The following ANKRD42 variants were observed in gnomAD, a reference collection of about 807,000 sequenced individuals.
ANKRD42 encodes ankyrin repeat domain-containing protein 42.
ANKRD42 carries 43 observed loss-of-function variants against 51.5 expected under a neutral mutation model. The observed-to-expected ratio is 0.83, with a 90% CI of 0.65 to 1.08. The LOEUF is 1.08. Ranked by LOEUF, ANKRD42 falls within the 50% of genes least tolerant of loss-of-function variation. ANKRD42 has a pLI of 0.00. For synonymous variants in ANKRD42, 203 were observed against 213.0 expected (o/e 0.95, Z 0.41); for missense variants, 608 against 629.3 (o/e 0.97, Z 0.36).
At position 83,224,901 on chromosome 11, in the gene ANKRD42, A is replaced by G. The variant is rs1862827969; in HGVS notation, c.633A>G (p.Leu211=). The G allele has an allele frequency of 2.5e-6, 4 of 1,609,424 alleles. No individual in the cohort carries two copies. The highest frequency in any genetic ancestry group is 1.3e-5 in the African/African-American group (1 of 74,872). The change falls in exon 6 of 11, where the codon CTA becomes CTG. Residue 211 remains leucine (L), a synonymous_variant. Coordinates refer to ENST00000533342, the MANE Select transcript of ANKRD42 (RefSeq NM_001300975.2). ...MEGHLHCFKF[L]VSRMSSATQV... The stretch of plus-strand genomic sequence containing the variant: ...GCCACCTTCACTGTTTCAAATTCCT[A>G]GTCAGTAGAATGAGCAGTGCGACGC...
downstream of ANKRD42, among the ~76,000 whole-genome samples, chr11:83,263,624 C>T (rs7125152): frequency 0.017 from 2,563 of 152,246 alleles, 72 homozygotes; most frequent in African/African-American, 0.058. Context: ...TGTTCTGGGT[C>T]AAAAGGTGGC....
In ANKRD42 at chr11:83,248,150, A is replaced by G; in HGVS notation, c.1530A>G (p.Val510=). 3.2e-6 allele frequency: 5 copies of G among 1,540,166 alleles called. No individual in the cohort carries two copies. Among genetic ancestry groups the G allele is most frequent in the Non-Finnish European group, 4.4e-6 (5 of 1,145,264 alleles). ...AGTATATACAAGAGTGGCCAAGAGTACAAGCTTTGGGCTGGGGCTCTTTGG... is the reference window on the plus strand; with the variant it reads ...AGTATATACAAGAGTGGCCAAGAGTGCAAGCTTTGGGCTGGGGCTCTTTGG... ...LKKYIQEWPR[V]QALGWGSLDL... The change falls in exon 11 of 11, where the codon GTA becomes GTG. Residue 510 remains valine (V), a synonymous_variant. Coordinates refer to ENST00000533342, the MANE Select transcript of ANKRD42 (RefSeq NM_001300975.2).
chr11:83,245,477 C>T (rs1863517165), intron 9 of ANKRD42, 21 bp from the exon 10 acceptor site: 6 of 1,534,432 alleles, frequency 3.9e-6, no homozygotes, highest in Non-Finnish European at 5.2e-6. Flanking sequence ...AACTAGGTTC[C>T]TACTCAACTC....
At chr11:83,242,645 A>C (rs554296258) in intron 9 of ANKRD42, among the ~76,000 whole-genome samples, 1 of 146,224 alleles carries the variant, frequency 6.8e-6, no homozygotes, top group Non-Finnish European at 1.5e-5. Context: ...GGCTCACTGC[A>C]ACCTCCGCCT....
chr11:83,206,713 C>T (rs1005309369), intron 3 of ANKRD42, among the ~76,000 whole-genome samples: 23 of 152,182 alleles, frequency 1.5e-4, no homozygotes, highest in Admixed American at 9.8e-4. Context: ...TTCCCAGCCT[C>T]CAGAACTATG....
chr11:83,249,381 TTTTG>T (rs563061815), downstream of ANKRD42, among the ~76,000 whole-genome samples: 33 of 152,172 alleles, frequency 2.2e-4, no homozygotes, highest in East Asian at 2.1e-3. Context: ...CAATTAGTTT[TTTTG>T]TTTGTTTGTT....
At position 83,248,455 on chromosome 11, in the gene ANKRD42, C is replaced by T. The variant is rs1481897045; in HGVS notation, c.*251C>T. ...GTACCATAGAAGGAGAAAATGTTTT[C>T]ATAAGTAATCAATCAGAATTCTAAG... On this transcript the variant is annotated 3_prime_UTR_variant, in exon 11 of 11. Transcript: ENST00000533342. The T allele has an allele frequency of 1.1e-5, 13 of 1,153,708 alleles. No homozygotes were observed. The highest frequency in any genetic ancestry group is 1.4e-5 in the Non-Finnish European group (13 of 939,786). 71.5% of individuals were successfully genotyped at this position (1,153,708 alleles called of 1,614,324 possible). A position where few individuals can be genotyped will look rare whatever the true frequency, so the allele number is the denominator to read the frequency against.
Position 83,227,821 on chromosome 11 carries a change from G to C in ANKRD42, c.862G>C (p.Val288Leu), listed in dbSNP as rs1862936154. The C allele has an allele frequency of 6.2e-7, 1 of 1,613,308 alleles. No homozygotes were observed. The highest frequency in any genetic ancestry group is 1.3e-5 in the African/African-American group (1 of 74,874). ...GMLKKLVEDG[V>L]ININERADNG... The stretch of plus-strand genomic sequence containing the variant: ...GCTTAAGAAATTAGTGGAAGATGGA[G>C]TAATCAATATTAATGAGCGTGCTGA... The change falls in exon 7 of 11, where the codon GTA becomes CTA. Residue 288 changes from valine to leucine, a missense_variant. Coordinates refer to ENST00000533342, the MANE Select transcript of ANKRD42 (RefSeq NM_001300975.2).
downstream of ANKRD42, among the ~76,000 whole-genome samples, chr11:83,249,698 G>T (rs1591014065): frequency 6.6e-6 from 1 of 152,120 alleles, no homozygotes; most frequent in East Asian, 1.9e-4. Context: ...AGGTCCCTGT[G>T]CTCAGAGTTC....
intron 2 of ANKRD42, among the ~76,000 whole-genome samples, 169 bp from the exon 3 acceptor site, chr11:83,205,889 G>A (rs759700655): frequency 1.3e-5 from 2 of 152,202 alleles, no homozygotes; most frequent in Non-Finnish European, 2.9e-5. Flanking sequence ...TTACCCAGCA[G>A]TGAGGCCAAA....
chr11:83,248,982 C>A (rs1007458425), downstream of ANKRD42: 3 of 983,634 alleles, frequency 3.0e-6, no homozygotes, highest in Admixed American at 6.1e-5. Flanking sequence ...AATCTATTCT[C>A]TTCATTTTGC....
rs367970066 is a variant in ANKRD42 at position 83,206,042 on chromosome 11, A to G, written c.223-16A>G. On this transcript the variant is annotated splice_polypyrimidine_tract_variant and intron_variant, in intron 2 of 10. Coordinates refer to ENST00000533342, the MANE Select transcript of ANKRD42 (RefSeq NM_001300975.2). ...AACATCCACTTTATCACTTGTTAAC[A>G]TGGTTATTTTCTTAGTGTCTTCATT... is the stretch of plus-strand genomic sequence containing the variant. The G allele has an allele frequency of 5.1e-5, 81 of 1,597,906 alleles. No individual in the cohort carries two copies. The highest frequency in any genetic ancestry group is 6.6e-5 in the Non-Finnish European group (77 of 1,167,438).
At chr11:83,212,685 C>T (rs1434204535) in intron 5 of ANKRD42, 1 of 1,536,098 alleles carries the variant, frequency 6.5e-7, no homozygotes, top group Non-Finnish European at 8.7e-7. Context: ...GCCTCTGATT[C>T]CTTGGCTTGG....
At chr11:83,229,407 C>T (rs1357415522) in intron 7 of ANKRD42, among the ~76,000 whole-genome samples, 4 of 151,918 alleles carry the variant, frequency 2.6e-5, no homozygotes, top group Admixed American at 6.6e-5. Context: ...TTTTATAGCC[C>T]CCATTTCATA....
In ANKRD42 at chr11:83,194,243, C is replaced by T. The variant is rs1861533077; in HGVS notation, c.-428C>T. On this transcript the variant is annotated 5_prime_UTR_variant, in exon 1 of 11. Coordinates refer to ENST00000533342, the MANE Select transcript of ANKRD42 (RefSeq NM_001300975.2). ...GACCGAGGCCTCCGCCTCAGTGGTC[C>T]TTGGGAGGGAGTCAGTGACATTCGG... The T allele has an allele frequency of 2.2e-6, 1 of 464,346 alleles. No individual in the cohort carries two copies. Among genetic ancestry groups the T allele is most frequent in the Non-Finnish European group, 4.3e-6 (1 of 232,346 alleles). The allele number at this position is 464,346 out of a possible 1,614,324, so 28.8% of individuals were successfully genotyped here.
intron 7 of ANKRD42, 99 bp from the exon 8 acceptor site, chr11:83,236,305 A>T: frequency 1.3e-6 from 1 of 792,494 alleles, no homozygotes; most frequent in Non-Finnish European, 2.0e-6. Context: ...ATACTTAACT[A>T]AGTACTCTAT....
intron 7 of ANKRD42, among the ~76,000 whole-genome samples, chr11:83,231,256 C>T (rs1863062777): frequency 6.6e-6 from 1 of 152,140 alleles, no homozygotes; most frequent in African/African-American, 2.4e-5. Flanking sequence ...GTCATTTTAA[C>T]TGGGGGGAGA....
chr11:83,210,192 G>T, intron 3 of ANKRD42, 108 bp from the exon 4 acceptor site: 1 of 1,084,904 alleles, frequency 9.2e-7, no homozygotes, highest in South Asian at 1.7e-5. Flanking sequence ...ACATACATAA[G>T]AATTTAGCTA....
In ANKRD42 at chr11:83,198,465, T is replaced by C; in HGVS notation, c.59-14T>C. 6.2e-7 allele frequency: 1 copy of C among 1,604,298 alleles called. No homozygotes were observed. The highest frequency in any genetic ancestry group is 8.5e-7 in the Non-Finnish European group (1 of 1,174,080). Reference sequence around the variant, plus strand: ...GTTTTGTAGTACATTGTAAGTAATTTGATTTTTCAATAGGTTCCAGGAAGA... The same window carrying C: ...GTTTTGTAGTACATTGTAAGTAATTCGATTTTTCAATAGGTTCCAGGAAGA... On this transcript the variant is annotated splice_polypyrimidine_tract_variant and intron_variant, in intron 1 of 10. Coordinates refer to ENST00000533342, the MANE Select transcript of ANKRD42 (RefSeq NM_001300975.2).
Sources: gnomAD v4.1 joint callset for allele counts (sites outside exome capture counted in the v4.1 genomes callset) on GRCh38, gnomAD v4.1.1 for gene constraint, MANE v1.5 for transcripts, NCBI Gene and HGNC (gene_info 2026-07-23, HGNC 2026-07-21) for gene names.